FCMR: variants seen among roughly 807,000 people sequenced by gnomAD.
FCMR encodes Fc mu receptor.
A neutral mutation model predicts 41.6 loss-of-function variants in FCMR; 34 were observed. The observed-to-expected ratio is 0.82, with a 90% CI of 0.62 to 1.09. The LOEUF is 1.09. Among genes scored for constraint, FCMR ranks in the 50% least tolerant of loss-of-function variants. FCMR has a pLI of 0.00. For missense variants in FCMR, 496 were observed against 512.5 expected (o/e 0.97, Z 0.31); for synonymous variants, 209 against 211.8 (o/e 0.99, Z 0.12).
chr1:206,920,539 T>C (rs1391442699), intron 1 of FCMR, among the ~76,000 whole-genome samples: 1 of 140,772 alleles, frequency 7.1e-6, no homozygotes, highest in Non-Finnish European at 1.5e-5. Context: ...GTGGCAGGAG[T>C]GTGTGGCTTG....
At chr1:206,923,052 T>A (rs1277457103), upstream of FCMR, 1 of 152,246 alleles carries the variant, frequency 6.6e-6, no homozygotes, top group East Asian at 1.9e-4. Flanking sequence ...CAGGGCTCTG[T>A]TCCTGGAAGT....
At chr1:206,921,478 G>A (rs977167005) in intron 1 of FCMR, 18 of 443,416 alleles carry the variant, frequency 4.1e-5, no homozygotes, top group African/African-American at 3.0e-4. Flanking sequence ...GCATGCACTT[G>A]TAGTCCTAGC....
At chr1:206,911,346 A>G (rs1678933232) in intron 4 of FCMR, among the ~76,000 whole-genome samples, 1 of 152,014 alleles carries the variant, frequency 6.6e-6, no homozygotes, top group South Asian at 2.1e-4. Flanking sequence ...GAGAAATGTG[A>G]GTCACATATG....
At chr1:206,906,970 T>G (rs369317097) in intron 7 of FCMR, among the ~76,000 whole-genome samples, 134 of 151,454 alleles carry the variant, frequency 8.8e-4, no homozygotes, top group African/African-American at 3.1e-3. Context: ...TATATCAAAA[T>G]TCCTTTCAAT....
chr1:206,907,683 T>TC, intron 7 of FCMR: 1 of 820,722 alleles, frequency 1.2e-6, no homozygotes, highest in Non-Finnish European at 2.2e-6. Flanking sequence ...CTGGCGGCCA[T>TC]CGTGGCTAAC....
At chr1:206,907,539 G>A in intron 7 of FCMR, 1 of 505,626 alleles carries the variant, frequency 2.0e-6, no homozygotes, top group South Asian at 1.7e-5. Flanking sequence ...TGTGGGCCCT[G>A]TCTTTTGGAG....
chr1:206,917,766 A>T, intron 1 of FCMR: 1 of 449,780 alleles, frequency 2.2e-6, no homozygotes, highest in Non-Finnish European at 4.4e-6. Context: ...AGCTGAGATC[A>T]CAGGCGCCTG....
In FCMR at chr1:206,912,922, A is replaced by T; in HGVS notation, c.487+7T>A. On this transcript the variant is annotated splice_region_variant and intron_variant, in intron 3 of 7. Transcript: ENST00000367091. Reference sequence around the variant, plus strand: ...CACCTCTCCTACCCTTGCTATGGTGAACTGACCTCTGGTTACGAATTTGGA... The same window carrying T: ...CACCTCTCCTACCCTTGCTATGGTGTACTGACCTCTGGTTACGAATTTGGA... The T allele has an allele frequency of 6.3e-7, 1 of 1,589,982 alleles. No individual in the cohort carries two copies.
Position 206,911,821 on chromosome 1 carries a change from A to T in FCMR, c.619T>A (p.Ser207Thr), listed in dbSNP as rs748297804. ...AGDKPRTFLP[S>T]TTASKISALE... Reference sequence around the variant, plus strand: ...GCTGAGATTTTTGAGGCTGTAGTGGATGGCAGGAAGGTTCGGGGCTTGTCA... The same window carrying T: ...GCTGAGATTTTTGAGGCTGTAGTGGTTGGCAGGAAGGTTCGGGGCTTGTCA... The change falls in exon 4 of 8, where the codon TCC (serine) becomes ACC (threonine). Residue 207 changes from serine to threonine, a missense_variant. By Grantham distance (58) the Ser-to-Thr change is moderately conservative (BLOSUM62 1). Transcript: ENST00000367091. 10 of 1,612,122 alleles carry T rather than the reference A, an allele frequency of 6.2e-6. No homozygotes were observed. The South Asian group carries it at 1.1e-4, about 18-fold the overall frequency.
chr1:206,910,287 A>C lies in FCMR; in HGVS notation c.764T>G (p.Leu255Arg). The C allele has an allele frequency of 6.3e-7, 1 of 1,577,112 alleles. No homozygotes were observed. Among genetic ancestry groups the C allele is most frequent in the Non-Finnish European group, 8.6e-7 (1 of 1,161,186 alleles). Residue 255 changes from leucine (L) to arginine (R), a missense_variant, in exon 5 of 8, where the codon CTG becomes CGG. By Grantham distance (102) the Leu-to-Arg change is moderately radical. Coordinates refer to ENST00000367091, the MANE Select transcript of FCMR (RefSeq NM_005449.5). ...SGREGQGFHI[L>R]IPTILGLFLL... Reference sequence around the variant, plus strand: ...GAAAAGGCCCAGGATGGTCGGGATCAGGATGTGAAATCCTTGGCCTTCCCT... The same window carrying C: ...GAAAAGGCCCAGGATGGTCGGGATCCGGATGTGAAATCCTTGGCCTTCCCT...
chr1:206,913,815 G>A lies in FCMR; in HGVS notation c.317C>T (p.Ala106Val), dbSNP rs138175929. The change falls in exon 2 of 8, where the codon GCG becomes GTG. Residue 106 changes from alanine to valine, a missense_variant. Coordinates refer to ENST00000367091, the MANE Select transcript of FCMR (RefSeq NM_005449.5). ...ESDSGVYACG[A>V]GMNTDRGKTQ... is the part of the protein sequence containing the mutation. ...CTTTCCCCGGTCTGTGTTCATGCCC[G>A]CTCCGCAGGCATAGACTCCGCTGTC... 3.1e-5 allele frequency: 50 copies of A among 1,614,062 alleles called. No individual in the cohort carries two copies. In the South Asian group the frequency reaches 3.8e-4, roughly 12 times the overall value.
chr1:206,909,567 C>T lies in FCMR; in HGVS notation c.986-47G>A. 1.5e-6 allele frequency: 2 copies of T among 1,295,936 alleles called. No homozygotes were observed. Among genetic ancestry groups the T allele is most frequent in the Non-Finnish European group, 2.0e-6 (2 of 1,014,204 alleles). The allele number at this position is 1,295,936 out of a possible 1,614,324, so 80.3% of individuals were successfully genotyped here. A position where few individuals can be genotyped will look rare whatever the true frequency, so the allele number is the denominator to read the frequency against. On this transcript the variant is annotated intron_variant, in intron 6 of 7. Transcript: ENST00000367091. The surrounding 1 kb of genome is among the most constrained non-coding windows in gnomAD (Gnocchi z 5.0). ...GTGAGGCGGCGGCCGAGGCTCCCGC[C>T]CCACCGTCATGCTACTACTCCCAGC...
chr1:206,906,261 CA>C, intron 7 of FCMR: 1 of 377,588 alleles, frequency 2.6e-6, no homozygotes. Flanking sequence ...GAGAGATGAT[CA>C]AGATAAAATT....
chr1:206,911,941 C>G lies in FCMR; in HGVS notation c.499G>C (p.Ala167Pro), dbSNP rs549231837. The G allele has an allele frequency of 8.7e-6, 14 of 1,608,604 alleles. No homozygotes were observed. The East Asian group carries it at 2.7e-4, about 31-fold the overall frequency. Residue 167 changes from alanine (A) to proline (P), a missense_variant, in exon 4 of 8, where the codon GCT becomes CCT. Transcript: ENST00000367091. ...ACTGGAGGGACCTTGCCCCTTTGAG[C>G]TGGTGTGGTAACTGCAGGAGGTAGC... ...SKFVTRVTTP[A>P]QRGKVPPVHH...
In FCMR at chr1:206,904,723, T is replaced by G; in HGVS notation, c.*296A>C. On this transcript the variant is annotated 3_prime_UTR_variant, in exon 8 of 8. Transcript: ENST00000367091. ...GTGGTCAAAGACATGGAAGAAACAC[T>G]CTGCAAATCCCACAGTCTGTTCGAC... is the stretch of plus-strand genomic sequence containing the variant. 2.8e-6 allele frequency: 1 copy of G among 361,322 alleles called. No individual in the cohort carries two copies. Among genetic ancestry groups the G allele is most frequent in the South Asian group, 2.8e-5 (1 of 36,132 alleles). 22.4% of individuals were successfully genotyped at this position (361,322 alleles called of 1,614,324 possible).
rs1407643866 is a variant in FCMR at position 206,914,427 on chromosome 1, CCTTT to C, written c.38-337_38-334del. Among the ~76,000 whole-genome samples the C allele has an allele frequency of 5.2e-3, 667 of 129,014 alleles. 9 individuals carry two copies. Among genetic ancestry groups the C allele is most frequent in the African/African-American group, 0.022 (636 of 28,720 alleles). 84.6% of individuals were successfully genotyped at this position (129,014 alleles called of 152,430 possible). On this transcript the variant is annotated intron_variant, in intron 1 of 7. Transcript: ENST00000367091. ...TCTTTCTTTCCTTCCTTCCTTCCTTCCTTTCTTTTCTTTTTTTTTTTTTTAATAG... is the reference window on the plus strand; with the variant it reads ...TCTTTCTTTCCTTCCTTCCTTCCTTCCTTTTCTTTTTTTTTTTTTTAATAG...
In FCMR at chr1:206,903,857, A is replaced by G. The variant is rs963726691; in HGVS notation, c.*1162T>C. 5.3e-5 allele frequency: 8 copies of G among 152,324 alleles called. No individual in the cohort carries two copies. The highest frequency in any genetic ancestry group is 1.9e-4 in the African/African-American group (8 of 41,436). 9.4% of individuals were successfully genotyped at this position (152,324 alleles called of 1,614,324 possible). A position where few individuals can be genotyped will look rare whatever the true frequency, so the allele number is the denominator to read the frequency against. On this transcript the variant is annotated 3_prime_UTR_variant, in exon 8 of 8. Transcript: ENST00000367091. Reference sequence around the variant, plus strand: ...ACATTCCCTGCTAATAAAAGACAACATAACTCAAGTCTGGCAGACTTTCTT... The same window carrying G: ...ACATTCCCTGCTAATAAAAGACAACGTAACTCAAGTCTGGCAGACTTTCTT...
At chr1:206,906,112 G>T in intron 7 of FCMR, 1 of 462,940 alleles carries the variant, frequency 2.2e-6, no homozygotes, top group Non-Finnish European at 4.4e-6. Context: ...CATGTTGGTA[G>T]CACTCCACTT....
intron 1 of FCMR, among the ~76,000 whole-genome samples, chr1:206,916,661 A>T (rs765972458): frequency 1.3e-5 from 2 of 152,264 alleles, no homozygotes; most frequent in Admixed American, 1.3e-4. Context: ...CCTCAAGTTC[A>T]TGGTAGCTTC....
Sources: gnomAD v4.1 joint callset for allele counts (sites outside exome capture counted in the v4.1 genomes callset) on GRCh38, gnomAD v4.1.1 for gene constraint, Gnocchi (gnomAD v3.1) non-coding constraint, MANE v1.5 for transcripts, NCBI Gene and HGNC (gene_info 2026-07-23, HGNC 2026-07-21) for gene names.